Variants in PIGF observed in about 807,000 individuals in gnomAD.
The protein encoded by PIGF is phosphatidylinositol glycan anchor biosynthesis class F.
Under a neutral mutation model 26.0 loss-of-function variants are expected in PIGF, and 23 were observed. That is an observed-to-expected ratio of 0.88 (90% CI 0.64 to 1.25). The LOEUF (loss-of-function observed/expected upper bound fraction) is 1.25. PIGF is among the 50% of genes most tolerant of loss of function. The pLI is 0.00. For missense variants in PIGF, 278 were observed against 249.9 expected (o/e 1.11, Z -0.76); for synonymous variants, 93 against 92.6 (o/e 1.00, Z -0.03).
chr2:46,604,914 C>A (rs1336201976), intron 4 of PIGF, among the ~76,000 whole-genome samples: 1 of 151,358 alleles, frequency 6.6e-6, no homozygotes, highest in Non-Finnish European at 1.5e-5. Context: ...ATGTGAATAC[C>A]CTGATGTGAT....
intron 4 of PIGF, among the ~76,000 whole-genome samples, chr2:46,603,311 A>G (rs1670118030): frequency 6.6e-6 from 1 of 152,122 alleles, no homozygotes; most frequent in African/African-American, 2.4e-5. Flanking sequence ...ATTCAATGCA[A>G]TCCCTATCAA....
chr2:46,609,767 A>G (rs34544165), intron 4 of PIGF, among the ~76,000 whole-genome samples: 44,861 of 152,046 alleles, frequency 0.3, 6,840 homozygotes, highest in Admixed American at 0.35. Context: ...GAAGATGTAC[A>G]ACATTTATTA....
Position 46,615,823 on chromosome 2 carries a change from T to C in PIGF, c.-21-638A>G, listed in dbSNP as rs1670599850. 2.6e-5 allele frequency: 4 copies of C among 152,078 alleles called. No homozygotes were observed. The South Asian group carries it at 8.3e-4, about 32-fold the overall frequency. The allele number at this position is 152,078 out of a possible 1,614,324, so 9.4% of individuals were successfully genotyped here. A position where few individuals can be genotyped will look rare whatever the true frequency, so the allele number is the denominator to read the frequency against. On this transcript the variant is annotated intron_variant, in intron 1 of 5. Coordinates refer to ENST00000281382, the MANE Select transcript of PIGF (RefSeq NM_002643.4). ...TCAGAAATACCAAGATGACAACGTC[T>C]GTTACAGGTGTTAAATTCCAACCAA...
intron 4 of PIGF, among the ~76,000 whole-genome samples, chr2:46,605,401 A>C (rs1474392899): frequency 6.6e-6 from 1 of 152,120 alleles, no homozygotes; most frequent in Non-Finnish European, 1.5e-5. Context: ...TTATCTATGC[A>C]CTGTGCTCCT....
chr2:46,599,099 TG>T (rs1669978542), intron 4 of PIGF, among the ~76,000 whole-genome samples: 1 of 152,178 alleles, frequency 6.6e-6, no homozygotes, highest in African/African-American at 2.4e-5. Context: ...TGGGAACTCA[TG>T]GTTTGAGATG....
At chr2:46,614,101 C>G (rs926250930) in intron 2 of PIGF, 1 of 189,242 alleles carries the variant, frequency 5.3e-6, no homozygotes, top group African/African-American at 2.3e-5. Flanking sequence ...TACTGATTGA[C>G]ATCAGAGAGC....
intron 4 of PIGF, among the ~76,000 whole-genome samples, chr2:46,595,100 C>G (rs1572773076): frequency 2.0e-5 from 3 of 151,988 alleles, no homozygotes; most frequent in Non-Finnish European, 4.4e-5. Flanking sequence ...TGAGTAGAGT[C>G]AAAAATTATC....
At chr2:46,592,775 T>C (rs997000060) in intron 4 of PIGF, among the ~76,000 whole-genome samples, 192 bp from the exon 5 acceptor site, 1 of 152,234 alleles carries the variant, frequency 6.6e-6, no homozygotes, top group African/African-American at 2.4e-5. Context: ...TGTTTTCCAT[T>C]GGAAAGGTAA....
At chr2:46,610,593 G>A (rs938763170) in intron 4 of PIGF, among the ~76,000 whole-genome samples, 4 of 145,962 alleles carry the variant, frequency 2.7e-5, no homozygotes, top group South Asian at 2.2e-4. Context: ...CCAGTGGTGC[G>A]ATCTCGGCTC....
At chr2:46,612,566 T>A (rs1326359761) in intron 3 of PIGF, among the ~76,000 whole-genome samples, 1 of 152,196 alleles carries the variant, frequency 6.6e-6, no homozygotes, top group South Asian at 2.1e-4. Flanking sequence ...ATTTCAGAAG[T>A]GTTAAAGACC....
chr2:46,615,253 C>A (rs1448528198), intron 1 of PIGF, 68 bp from the exon 2 acceptor site: 5 of 704,082 alleles, frequency 7.1e-6, no homozygotes, highest in East Asian at 2.5e-5. Context: ...AATGTTTTGA[C>A]CCCTAAAAAT....
chr2:46,584,199 C>T (rs1461911241), intron 5 of PIGF, among the ~76,000 whole-genome samples: 4 of 152,122 alleles, frequency 2.6e-5, no homozygotes, highest in Non-Finnish European at 4.4e-5. Context: ...CATGGGGTTA[C>T]AAATAAAATA....
At chr2:46,610,578 G>A (rs1165143545) in intron 4 of PIGF, among the ~76,000 whole-genome samples, 1 of 135,462 alleles carries the variant, frequency 7.4e-6, no homozygotes, top group African/African-American at 2.8e-5. Context: ...TGCCCAGGCT[G>A]GAGTCCAGTG....
chr2:46,602,614 A>G (rs890606948), intron 4 of PIGF, among the ~76,000 whole-genome samples: 1 of 151,940 alleles, frequency 6.6e-6, no homozygotes, highest in Admixed American at 6.6e-5. Flanking sequence ...TGTGTTTTAC[A>G]TATTAAAATA....
At chr2:46,614,030 C>T (rs954035455) in intron 2 of PIGF, 10 of 364,136 alleles carry the variant, frequency 2.7e-5, no homozygotes, top group African/African-American at 4.3e-5. Context: ...CTACATGAGT[C>T]GAAAAGAGGT....
At chr2:46,605,023 T>C (rs1442501894) in intron 4 of PIGF, among the ~76,000 whole-genome samples, 1 of 151,964 alleles carries the variant, frequency 6.6e-6, no homozygotes, top group Non-Finnish European at 1.5e-5. Flanking sequence ...AAAAATAAAG[T>C]TGTGATTCAA....
Position 46,592,466 on chromosome 2 carries a change from GA to G in PIGF, c.546+8del. On this transcript the variant is annotated splice_region_variant and intron_variant, in intron 5 of 5. Coordinates refer to ENST00000281382, the MANE Select transcript of PIGF (RefSeq NM_002643.4). ...ATTTATTTTGTTGCTTTAAGTAACT[GA>G]AACCAACCTGCCATGGTCTTTCCCA... 1.4e-6 allele frequency: 2 copies of G among 1,468,632 alleles called. No individual in the cohort carries two copies. Among genetic ancestry groups the G allele is most frequent in the Non-Finnish European group, 1.9e-6 (2 of 1,047,164 alleles). The allele number at this position is 1,468,632 out of a possible 1,614,324, so 91.0% of individuals were successfully genotyped here.
intron 4 of PIGF, among the ~76,000 whole-genome samples, chr2:46,593,239 T>C (rs1669780218): frequency 6.6e-6 from 1 of 151,938 alleles, no homozygotes; most frequent in Non-Finnish European, 1.5e-5. Context: ...TTCAAGCGAT[T>C]CTCCTGCCTC....
chr2:46,595,903 C>T (rs1049184806), intron 4 of PIGF, among the ~76,000 whole-genome samples: 4 of 152,034 alleles, frequency 2.6e-5, no homozygotes, highest in Non-Finnish European at 1.5e-5. Flanking sequence ...CGCAACTTTA[C>T]GATCAGAGAT....
Sources: allele counts gnomAD v4.1 joint callset (sites outside exome capture counted in the v4.1 genomes callset), GRCh38; gene constraint gnomAD v4.1.1; transcripts MANE v1.5; gene names NCBI Gene and HGNC (gene_info 2026-07-23, HGNC 2026-07-21).